Variants in NUMB observed in about 807,000 individuals in gnomAD.
NUMB encodes the protein protein numb homolog.
In NUMB, 29 loss-of-function variants were observed where a neutral mutation model predicts 59.7. The ratio of observed to expected loss-of-function variants is 0.49; its 90% CI spans 0.36 to 0.66. The LOEUF is 0.66. NUMB is among the 30% of genes least tolerant of loss of function. The pLI, the probability that NUMB is intolerant of heterozygous loss-of-function variation, is 0.00. For synonymous variants in NUMB, 288 were observed against 288.2 expected (o/e 1.00, Z 0.01); for missense variants, 723 against 822.0 (o/e 0.88, Z 1.47).
rs1050477 is a variant in NUMB, at chr14:73,284,302, G to A, written c.728C>T (p.Thr243Ile). Reference sequence around the variant, plus strand: ...GGTCGTGGCATCAGAAGTAGGAGAGGTGGGAGAGGATGGGGATGGGGCAGT... The same window carrying A: ...GGTCGTGGCATCAGAAGTAGGAGAGATGGGAGAGGATGGGGATGGGGCAGT... The part of the protein sequence containing the change: ...GNTAPSPSSP[T>I]SPTSDATTSL... Residue 243 changes from threonine (T) to isoleucine (I), a missense_variant, in exon 10 of 13, where the codon ACC (threonine) becomes ATC (isoleucine). Transcript: ENST00000555238. The A allele has an allele frequency of 1.2e-6, 2 of 1,614,066 alleles. No individual in the cohort carries two copies. The highest frequency in any genetic ancestry group is 1.1e-5 in the South Asian group (1 of 91,090).
chr14:73,318,874 T>C (rs4903108), intron 5 of NUMB, among the ~76,000 whole-genome samples: 1 of 152,082 alleles, frequency 6.6e-6, no homozygotes, highest in Non-Finnish European at 1.5e-5. Flanking sequence ...ATATCAAGTA[T>C]GCAGATGACT....
chr14:73,439,781 G>T (rs1300902084), intron 1 of NUMB, among the ~76,000 whole-genome samples: 1 of 152,144 alleles, frequency 6.6e-6, no homozygotes, highest in Non-Finnish European at 1.5e-5. Context: ...GAGAGAAAGA[G>T]AAAGGAACAG....
chr14:73,289,080 C>A (rs999530302), intron 8 of NUMB, among the ~76,000 whole-genome samples: 5 of 152,120 alleles, frequency 3.3e-5, no homozygotes, highest in East Asian at 1.9e-4. Context: ...TGCTGTCTCC[C>A]CTTTCTGAAT....
chr14:73,373,192 A>C (rs1305041142), intron 2 of NUMB, among the ~76,000 whole-genome samples: 1 of 152,164 alleles, frequency 6.6e-6, no homozygotes, highest in Non-Finnish European at 1.5e-5. Context: ...CCTAGGAATC[A>C]CTGTCTTTGG....
intron 6 of NUMB, among the ~76,000 whole-genome samples, chr14:73,300,541 T>A (rs1368973740): frequency 6.6e-6 from 1 of 152,196 alleles, no homozygotes; most frequent in Non-Finnish European, 1.5e-5. Context: ...TGGATTTGAA[T>A]TCTGGTTCTG....
intron 3 of NUMB, 140 bp downstream of exon 3, chr14:73,366,757 C>T (rs1269463837): frequency 6.6e-6 from 1 of 152,178 alleles, no homozygotes; most frequent in Non-Finnish European, 1.5e-5. Context: ...AGGACAAAAA[C>T]ACTCAGCATT....
At chr14:73,354,238 G>A (rs1427277339) in intron 4 of NUMB, among the ~76,000 whole-genome samples, 1 of 152,066 alleles carries the variant, frequency 6.6e-6, no homozygotes, top group Non-Finnish European at 1.5e-5. Flanking sequence ...GCCGAGTGTG[G>A]TGGATCATGT....
At chr14:73,370,817 T>C (rs1894636796) in intron 2 of NUMB, among the ~76,000 whole-genome samples, 1 of 152,206 alleles carries the variant, frequency 6.6e-6, no homozygotes, top group Non-Finnish European at 1.5e-5. Flanking sequence ...TTCTGTGAAT[T>C]CTATAAATGA....
At chr14:73,310,107 A>T (rs989059200) in intron 6 of NUMB, among the ~76,000 whole-genome samples, 3 of 152,206 alleles carry the variant, frequency 2.0e-5, no homozygotes, top group African/African-American at 7.2e-5. Context: ...GCTACAAAGA[A>T]AAATAAATCA....
chr14:73,369,359 G>C (rs1265212738), intron 2 of NUMB, among the ~76,000 whole-genome samples: 2 of 152,028 alleles, frequency 1.3e-5, no homozygotes, highest in African/African-American at 4.8e-5. Flanking sequence ...TTTTCAAAAA[G>C]AAATTTGACA....
intron 5 of NUMB, among the ~76,000 whole-genome samples, chr14:73,321,380 A>G (rs1404615127): frequency 2.6e-5 from 4 of 152,112 alleles, no homozygotes; most frequent in Admixed American, 2.0e-4. Context: ...CTTTAAAAAA[A>G]TGTTCTTAGC....
chr14:73,439,821 T>C (rs1443696644), intron 1 of NUMB, among the ~76,000 whole-genome samples: 2 of 152,174 alleles, frequency 1.3e-5, no homozygotes, highest in East Asian at 1.9e-4. Context: ...TTAAGTCACA[T>C]GTTTAAGGAC....
chr14:73,311,885 T>C (rs1312204075), intron 6 of NUMB, among the ~76,000 whole-genome samples: 1 of 152,166 alleles, frequency 6.6e-6, no homozygotes, highest in East Asian at 1.9e-4. Context: ...CTATTTCTCG[T>C]AGATTAGGGT....
chr14:73,306,081 G>A (rs1890412263), intron 6 of NUMB, among the ~76,000 whole-genome samples: 1 of 152,174 alleles, frequency 6.6e-6, no homozygotes, highest in Non-Finnish European at 1.5e-5. Context: ...AGCAGTGAAA[G>A]GACAGAAACA....
rs115716263 is a variant in NUMB, at chr14:73,419,594, T to C, written c.-232-9526A>G. Among the ~76,000 whole-genome samples the C allele has an allele frequency of 3.2e-3, 483 of 152,068 alleles. 2 individuals carry two copies. Among genetic ancestry groups the C allele is most frequent in the African/African-American group, 9.0e-3 (373 of 41,516 alleles). On this transcript the variant is annotated intron_variant, in intron 1 of 12. Coordinates refer to ENST00000555238, the MANE Select transcript of NUMB (RefSeq NM_001005743.2). ...TCATATTAGAAAGTCCCCAGAAAAC[T>C]GAAGAATAAACTATTGAAATTTGAG...
chr14:73,307,899 A>C (rs1566736469), intron 6 of NUMB, among the ~76,000 whole-genome samples: 1 of 151,426 alleles, frequency 6.6e-6, no homozygotes, highest in African/African-American at 2.4e-5. Flanking sequence ...CGCCCGGCTA[A>C]TTTTTTTGCA....
intron 4 of NUMB, among the ~76,000 whole-genome samples, chr14:73,325,568 A>C (rs749093247): frequency 2.0e-5 from 3 of 152,224 alleles, no homozygotes; most frequent in Non-Finnish European, 2.9e-5. Flanking sequence ...CTGGGTTGCA[A>C]TACTCAACCT....
chr14:73,306,527 T>C (rs1890438567), intron 6 of NUMB, among the ~76,000 whole-genome samples: 1 of 152,124 alleles, frequency 6.6e-6, no homozygotes, highest in African/African-American at 2.4e-5. Context: ...CTAGGTTGAA[T>C]GAATGAATGA....
intron 2 of NUMB, among the ~76,000 whole-genome samples, chr14:73,375,524 C>T (rs897715278): frequency 1.3e-5 from 2 of 152,004 alleles, no homozygotes; most frequent in Non-Finnish European, 2.9e-5. Flanking sequence ...ATTGCTATGC[C>T]AAATCCAGCC....
Sources: gnomAD v4.1 joint callset for allele counts (sites outside exome capture counted in the v4.1 genomes callset) on GRCh38, gnomAD v4.1.1 for gene constraint, MANE v1.5 for transcripts, NCBI Gene and HGNC (gene_info 2026-07-23, HGNC 2026-07-21) for gene names.